The following GCC2 variants were observed in gnomAD, a reference collection of about 807,000 sequenced individuals.
GCC2 encodes GRIP and coiled-coil domain-containing protein 2.
A neutral mutation model predicts 210.6 loss-of-function variants in GCC2; 120 were observed. The ratio of observed to expected loss-of-function variants is 0.57; its 90% CI spans 0.49 to 0.66. The LOEUF is 0.66. GCC2 is among the 30% of genes least tolerant of loss of function. The pLI is 0.00. For synonymous variants in GCC2, 703 were observed against 652.7 expected, an observed-to-expected ratio of 1.08 and a Z score of -1.17; for missense variants, 1,868 against 1,871.9, an observed-to-expected ratio of 1.00 and a Z score of 0.04.
chr2:108,470,372 A>G lies in GCC2; in HGVS notation c.1043A>G (p.His348Arg), dbSNP rs199925996. Residue 348 changes from histidine to arginine, a missense_variant, in exon 6 of 23, where the codon CAC becomes CGC. By Grantham distance (29) the His-to-Arg change is conservative. Transcript: ENST00000309863. ...ACCTTAAAAGAACTTGAATCTCAAC[A>G]CAGTATCTTAAAAGATGAGGTAACT... ...EDTLKELESQ[H>R]SILKDEVTYM... 3.7e-5 allele frequency: 59 copies of G among 1,606,466 alleles called. No homozygotes were observed. Among genetic ancestry groups the G allele is most frequent in the Non-Finnish European group, 9.4e-6 (11 of 1,175,322 alleles).
chr2:108,476,609 A>G (rs1681539224), intron 9 of GCC2, among the ~76,000 whole-genome samples: 1 of 152,236 alleles, frequency 6.6e-6, no homozygotes, highest in Non-Finnish European at 1.5e-5. Context: ...TTACCTTAGT[A>G]ACATGAAAAT....
intron 22 of GCC2, among the ~76,000 whole-genome samples, chr2:108,499,981 G>A (rs1273785443): frequency 2.0e-5 from 3 of 152,190 alleles, no homozygotes; most frequent in African/African-American, 4.8e-5. Flanking sequence ...TAAGTGCTTA[G>A]CTTGATCTTC....
At chr2:108,480,300 C>T (rs1681783499) in intron 9 of GCC2, among the ~76,000 whole-genome samples, 1 of 152,162 alleles carries the variant, frequency 6.6e-6, no homozygotes, top group Non-Finnish European at 1.5e-5. Flanking sequence ...AACACTTACA[C>T]TTTTGGTGGG....
Position 108,471,024 on chromosome 2 carries a change from A to G in GCC2, c.1695A>G (p.Gln565=), listed in dbSNP as rs147501385. ...TTGAAAATACCATAAAGAACCTTCA[A>G]GAAAAGAATGGAGTATACTTACTTA... ...PELENTIKNL[Q]EKNGVYLLSL... The change falls in exon 6 of 23, where the codon CAA becomes CAG. Residue 565 remains glutamine, a synonymous_variant. Transcript: ENST00000309863. 1.7e-5 allele frequency: 27 copies of G among 1,610,300 alleles called. No homozygotes were observed. The highest frequency in any genetic ancestry group is 1.2e-4 in the African/African-American group (9 of 74,772).
intron 3 of GCC2, 45 bp from the exon 4 acceptor site, chr2:108,452,354 G>T (rs758878659): frequency 6.1e-6 from 6 of 985,360 alleles, no homozygotes; most frequent in South Asian, 5.2e-5. Flanking sequence ...CAGTAATTAT[G>T]TTCTTTATTT....
At chr2:108,456,452 A>G (rs1680284737) in intron 4 of GCC2, among the ~76,000 whole-genome samples, 2 of 152,124 alleles carry the variant, frequency 1.3e-5, no homozygotes, top group African/African-American at 4.8e-5. Flanking sequence ...GATTAGTGAT[A>G]TTGAGTATTT....
At position 108,485,817 on chromosome 2, in the gene GCC2, T is replaced by G. The variant is rs1374551727; in HGVS notation, c.3715-14T>G. On this transcript the variant is annotated splice_polypyrimidine_tract_variant and intron_variant, in intron 14 of 22. Transcript: ENST00000309863. Reference sequence around the variant, plus strand: ...AACATTAAAAAAAATTTAACCAAGATTCTCATTCTATAGGAAACTGATCAC... The same window carrying G: ...AACATTAAAAAAAATTTAACCAAGAGTCTCATTCTATAGGAAACTGATCAC... 3 of 1,535,112 alleles carry G rather than the reference T, an allele frequency of 2.0e-6. No individual in the cohort carries two copies. Among genetic ancestry groups the G allele is most frequent in the Non-Finnish European group, 2.7e-6 (3 of 1,129,552 alleles).
At position 108,475,729 on chromosome 2, in the gene GCC2, A is replaced by C. The variant is rs781756201; in HGVS notation, c.2962-23A>C. 7 of 1,537,356 alleles carry C rather than the reference A, an allele frequency of 4.6e-6. No individual in the cohort carries two copies. In the African/African-American group the frequency reaches 5.5e-5, roughly 12 times the overall value. ...ATTAAAAAAAAACAAAAACCTCTTT[A>C]ATTTTACTTGTGTTTAAAACAGACC... On this transcript the variant is annotated intron_variant, in intron 8 of 22. Coordinates refer to ENST00000309863, the MANE Select transcript of GCC2 (RefSeq NM_181453.4).
Position 108,499,582 on chromosome 2 carries a change from A to G in GCC2, c.4812A>G (p.Glu1604=), listed in dbSNP as rs1364254522. 6.2e-7 allele frequency: 1 copy of G among 1,612,084 alleles called. No homozygotes were observed. The highest frequency in any genetic ancestry group is 1.7e-5 in the Admixed American group (1 of 60,020). ...KLLKSEIRRL[E]RNQEREKSAA... is the part of the protein sequence containing the mutation. The stretch of plus-strand genomic sequence containing the variant: ...TCAAAAGTGAAATAAGAAGATTGGA[A>G]AGGAATCAAGAGCGAGAGAAGTCTG... The change falls in exon 22 of 23, where the codon GAA becomes GAG. Residue 1604 remains glutamate (E), a synonymous_variant. Transcript: ENST00000309863.
chr2:108,485,468 A>G (rs1203395389), intron 13 of GCC2, among the ~76,000 whole-genome samples, 168 bp from the exon 14 acceptor site: 1 of 152,148 alleles, frequency 6.6e-6, no homozygotes, highest in African/African-American at 2.4e-5. Context: ...GGTACAGTAG[A>G]GTTTATGGCA....
intron 4 of GCC2, among the ~76,000 whole-genome samples, chr2:108,456,710 G>A (rs1680296397): frequency 6.6e-6 from 1 of 152,032 alleles, no homozygotes; most frequent in African/African-American, 2.4e-5. Flanking sequence ...CAGCATTAAG[G>A]GAAGCCATGG....
intron 19 of GCC2, 53 bp downstream of exon 19, chr2:108,492,843 T>G: frequency 8.0e-7 from 1 of 1,255,186 alleles, no homozygotes; most frequent in Non-Finnish European, 1.2e-6. Context: ...TGCATTTGTC[T>G]CTTAAATACA....
At chr2:108,481,540 G>A (rs1681849038) in intron 9 of GCC2, among the ~76,000 whole-genome samples, 157 bp from the exon 10 acceptor site, 1 of 152,058 alleles carries the variant, frequency 6.6e-6, no homozygotes, top group South Asian at 2.1e-4. Context: ...AAATGTGCTA[G>A]TTTTATTACC....
chr2:108,487,510 A>G (rs963304914), intron 16 of GCC2, among the ~76,000 whole-genome samples, 189 bp from the exon 17 acceptor site: 7 of 152,238 alleles, frequency 4.6e-5, no homozygotes, highest in African/African-American at 1.7e-4. Flanking sequence ...TCAATTAAAA[A>G]GAAAATTTTT....
At chr2:108,457,220 T>C (rs1680321551) in intron 4 of GCC2, among the ~76,000 whole-genome samples, 1 of 152,198 alleles carries the variant, frequency 6.6e-6, no homozygotes, top group African/African-American at 2.4e-5. Context: ...TACCTGGATT[T>C]CCTGGCACCG....
chr2:108,475,709 A>G (rs1681477030), intron 8 of GCC2, 43 bp from the exon 9 acceptor site: 1 of 1,505,678 alleles, frequency 6.6e-7, no homozygotes, highest in African/African-American at 1.4e-5. Context: ...TATCCATTAA[A>G]AAAAAACAAA....
At chr2:108,459,976 A>G (rs775988521) in intron 4 of GCC2, among the ~76,000 whole-genome samples, 1 of 151,402 alleles carries the variant, frequency 6.6e-6, no homozygotes, top group African/African-American at 2.4e-5. Context: ...CAGCCTCCCA[A>G]GTAGCTGGGA....
intron 4 of GCC2, among the ~76,000 whole-genome samples, chr2:108,467,112 A>T (rs1269012818): frequency 6.6e-6 from 1 of 151,980 alleles, no homozygotes; most frequent in African/African-American, 2.4e-5. Context: ...TTGGTTTTTT[A>T]CTTTCCCATA....
Position 108,471,211 on chromosome 2 carries a change from G to T in GCC2, c.1882G>T (p.Gly628Trp). ...EREERLILEL[G>W]KKVEQTIQYN... ...GGAAGAAAGATTGATTCTTGAACTT[G>T]GGAAGAAAGTAGAGCAAACAATCCA... The change falls in exon 6 of 23, where the codon GGG (glycine) becomes TGG (tryptophan). Residue 628 changes from glycine (G) to tryptophan (W), a missense_variant. Physicochemically the swap from Gly to Trp is radical, Grantham distance 184. Transcript: ENST00000309863. 1 of 1,604,950 alleles carries T rather than the reference G, an allele frequency of 6.2e-7. No individual in the cohort carries two copies. Among genetic ancestry groups the T allele is most frequent in the South Asian group, 1.1e-5 (1 of 88,566 alleles).
Sources: gnomAD v4.1 joint callset for allele counts (sites outside exome capture counted in the v4.1 genomes callset) on GRCh38, gnomAD v4.1.1 for gene constraint, MANE v1.5 for transcripts, NCBI Gene and HGNC (gene_info 2026-07-23, HGNC 2026-07-21) for gene names.